Variants in SLC25A4 observed in about 807,000 individuals in gnomAD.
The protein encoded by SLC25A4 is solute carrier family 25 member 4, also known as ADP/ATP translocase 1.
In SLC25A4, 10 loss-of-function variants were observed where a neutral mutation model predicts 24.7. The observed-to-expected ratio is 0.41, with a 90% confidence interval of 0.25 to 0.69. The LOEUF is 0.69. Ranked by LOEUF, SLC25A4 falls within the 30% of genes least tolerant of loss-of-function variation. SLC25A4 has a pLI of 0.35. For synonymous variants in SLC25A4, 125 were observed against 153.3 expected (o/e 0.82, Z 1.36); for missense variants, 273 against 387.6 (o/e 0.70, Z 2.48).
chr4:185,143,509 G>C (rs1734382702), intron 1 of SLC25A4, 26 bp downstream of exon 1: 5 of 1,092,738 alleles, frequency 4.6e-6, no homozygotes, highest in African/African-American at 1.7e-5. Context: ...TGCAAGAGGC[G>C]GGCGCGGGCG....
Position 185,145,541 on chromosome 4 carries a change from T to C in SLC25A4, c.599-218T>C, listed in dbSNP as rs534113928. The C allele has an allele frequency of 1.5e-6, 1 of 667,284 alleles. No homozygotes were observed. Among genetic ancestry groups the C allele is most frequent in the East Asian group, 2.7e-5 (1 of 36,640 alleles). 41.3% of individuals were successfully genotyped at this position (667,284 alleles called of 1,614,324 possible). A position where few individuals can be genotyped will look rare whatever the true frequency, so the allele number is the denominator to read the frequency against. ...GAGTTTAACTTGAAGCCACTTCCAA[T>C]GCCCTGTATACAAGCTGAGCACTGC... On this transcript the variant is annotated intron_variant, in intron 2 of 3. Coordinates refer to ENST00000281456, the MANE Select transcript of SLC25A4 (RefSeq NM_001151.4). This position sits in a 1 kb window ranked among gnomAD's most constrained non-coding sequence, Gnocchi z 5.5.
chr4:185,145,972 G>A lies in SLC25A4; in HGVS notation c.739+73G>A, dbSNP rs2111286796. 6.4e-7 allele frequency: 1 copy of A among 1,553,206 alleles called. No individual in the cohort carries two copies. Among genetic ancestry groups the A allele is most frequent in the African/African-American group, 1.4e-5 (1 of 73,940 alleles). On this transcript the variant is annotated intron_variant, in intron 3 of 3. Transcript: ENST00000281456. The surrounding 1 kb of genome is among the most constrained non-coding windows in gnomAD (Gnocchi z 5.5). ...AGAACATTTTACAGGGCTCCTTTCA[G>A]TCTTCCTTACTGGAAATTAATTTTC... is the stretch of plus-strand genomic sequence containing the variant.
At position 185,146,023 on chromosome 4, in the gene SLC25A4, A is replaced by C. The variant is rs539579291; in HGVS notation, c.739+124A>C. 3,475 of 1,177,208 alleles carry C rather than the reference A, an allele frequency of 3.0e-3. 10 individuals are homozygous for C. The highest frequency in any genetic ancestry group is 3.7e-3 in the Non-Finnish European group (3,045 of 818,500). The allele number at this position is 1,177,208 out of a possible 1,614,324, so 72.9% of individuals were successfully genotyped here. ...AAAATTATTTGATAAGGACTTAGGG[A>C]AGAAAGATGGTATTAATTCCCCCTA... is the stretch of plus-strand genomic sequence containing the variant. On this transcript the variant is annotated intron_variant, in intron 3 of 3. Transcript: ENST00000281456.
At position 185,145,395 on chromosome 4, in the gene SLC25A4, G is replaced by T. The variant is rs1242259002; in HGVS notation, c.598+145G>T. 3 of 1,254,168 alleles carry T rather than the reference G, an allele frequency of 2.4e-6. No individual in the cohort carries two copies. The highest frequency in any genetic ancestry group is 3.4e-6 in the Non-Finnish European group (3 of 891,350). The allele number at this position is 1,254,168 out of a possible 1,614,324, so 77.7% of individuals were successfully genotyped here. On this transcript the variant is annotated intron_variant, in intron 2 of 3. Transcript: ENST00000281456. The surrounding 1 kb of genome is among the most constrained non-coding windows in gnomAD (Gnocchi z 5.5). ...AGGCTTCTGAATGAGGAGGTGATGT[G>T]CATAAGTTAATAGCTGAAGCGTTCC... is the stretch of plus-strand genomic sequence containing the variant.
In SLC25A4 at chr4:185,145,111, G is replaced by A. The variant is rs777474737; in HGVS notation, c.459G>A (p.Glu153=). Residue 153 remains glutamate (E), a synonymous_variant, in exon 2 of 4, where the codon GAG becomes GAA. Transcript: ENST00000281456. The surrounding 1 kb of genome is among the most constrained non-coding windows in gnomAD (Gnocchi z 5.5). ...TGGGCAAGGGCGCCGCCCAGCGTGA[G>A]TTCCATGGTCTGGGCGACTGTATCA... is the stretch of plus-strand genomic sequence containing the variant. ...ADVGKGAAQR[E]FHGLGDCIIK... The A allele has an allele frequency of 8.7e-6, 14 of 1,612,790 alleles. No homozygotes were observed. The South Asian group carries it at 1.4e-4, about 16-fold the overall frequency.
chr4:185,145,415 C>G lies in SLC25A4; in HGVS notation c.598+165C>G. On this transcript the variant is annotated intron_variant, in intron 2 of 3. Transcript: ENST00000281456. This position sits in a 1 kb window ranked among gnomAD's most constrained non-coding sequence, Gnocchi z 5.5. Reference sequence around the variant, plus strand: ...GATGTGCATAAGTTAATAGCTGAAGCGTTCCTTGTGTCCTCTACTGAAATA... The same window carrying G: ...GATGTGCATAAGTTAATAGCTGAAGGGTTCCTTGTGTCCTCTACTGAAATA... 2 of 1,047,788 alleles carry G rather than the reference C, an allele frequency of 1.9e-6. No homozygotes were observed. The highest frequency in any genetic ancestry group is 2.8e-6 in the Non-Finnish European group (2 of 721,490). 64.9% of individuals were successfully genotyped at this position (1,047,788 alleles called of 1,614,324 possible).
chr4:185,144,554 T>C (rs1299851648), intron 1 of SLC25A4, among the ~76,000 whole-genome samples: 3 of 152,154 alleles, frequency 2.0e-5, no homozygotes. Flanking sequence ...ACCCTAATAA[T>C]TGAAGCAACA....
chr4:185,145,271 A>G lies in SLC25A4; in HGVS notation c.598+21A>G. 1.9e-6 allele frequency: 3 copies of G among 1,613,674 alleles called. No homozygotes were observed. The South Asian group carries it at 3.3e-5, about 18-fold the overall frequency. On this transcript the variant is annotated intron_variant, in intron 2 of 3. Coordinates refer to ENST00000281456, the MANE Select transcript of SLC25A4 (RefSeq NM_001151.4). The surrounding 1 kb of genome is among the most constrained non-coding windows in gnomAD (Gnocchi z 5.5). ...CAAGGGTGAGAGAGGGGCATCGGGG[A>G]GAAGGAGGGTGGTGTGGAAAGAGGA...
chr4:185,145,387 G>C lies in SLC25A4; in HGVS notation c.598+137G>C. Reference sequence around the variant, plus strand: ...GATAATTGAGGCTTCTGAATGAGGAGGTGATGTGCATAAGTTAATAGCTGA... The same window carrying C: ...GATAATTGAGGCTTCTGAATGAGGACGTGATGTGCATAAGTTAATAGCTGA... On this transcript the variant is annotated intron_variant, in intron 2 of 3. Transcript: ENST00000281456. This position sits in a 1 kb window ranked among gnomAD's most constrained non-coding sequence, Gnocchi z 5.5. The C allele has an allele frequency of 1.5e-6, 2 of 1,323,650 alleles. No individual in the cohort carries two copies. Among genetic ancestry groups the C allele is most frequent in the South Asian group, 1.3e-5 (1 of 79,448 alleles). The allele number at this position is 1,323,650 out of a possible 1,614,324, so 82.0% of individuals were successfully genotyped here.
chr4:185,145,656 G>A lies in SLC25A4; in HGVS notation c.599-103G>A. 2.1e-6 allele frequency: 3 copies of A among 1,453,228 alleles called. No homozygotes were observed. The highest frequency in any genetic ancestry group is 2.5e-5 in the South Asian group (2 of 80,800). The allele number at this position is 1,453,228 out of a possible 1,614,324, so 90.0% of individuals were successfully genotyped here. ...TGCACAGGGGCAGGTTCCCCGCAAGGTCAGAGCATGGAGCTGGAGGTGCAG... is the reference window on the plus strand; with the variant it reads ...TGCACAGGGGCAGGTTCCCCGCAAGATCAGAGCATGGAGCTGGAGGTGCAG... On this transcript the variant is annotated intron_variant, in intron 2 of 3. Coordinates refer to ENST00000281456, the MANE Select transcript of SLC25A4 (RefSeq NM_001151.4). This position sits in a 1 kb window ranked among gnomAD's most constrained non-coding sequence, Gnocchi z 5.5.
Position 185,146,894 on chromosome 4 carries a change from G to T in SLC25A4, c.820G>T (p.Ala274Ser). 1 of 1,614,208 alleles carries T rather than the reference G, an allele frequency of 6.2e-7. No individual in the cohort carries two copies. The highest frequency in any genetic ancestry group is 8.5e-7 in the Non-Finnish European group (1 of 1,180,032). The change falls in exon 4 of 4, where the codon GCC becomes TCC. Residue 274 changes from alanine (A) to serine (S), a missense_variant. Transcript: ENST00000281456. The stretch of plus-strand genomic sequence containing the variant: ...AGGAGCCAAGGCCTTCTTCAAAGGT[G>T]CCTGGTCCAATGTGCTGAGAGGCAT... The part of the protein sequence containing the change: ...DEGAKAFFKG[A>S]WSNVLRGMGG...
intron 1 of SLC25A4, among the ~76,000 whole-genome samples, chr4:185,144,034 T>G (rs1198987573): frequency 6.6e-6 from 1 of 152,176 alleles, no homozygotes; most frequent in Non-Finnish European, 1.5e-5. Flanking sequence ...CGGAATAAAC[T>G]CAGATCATCC....
At position 185,144,781 on chromosome 4, in the gene SLC25A4, A is replaced by G; in HGVS notation, c.129A>G (p.Lys43=). The change falls in exon 2 of 4, where the codon AAA becomes AAG. Residue 43 remains lysine (K), a synonymous_variant. Coordinates refer to ENST00000281456, the MANE Select transcript of SLC25A4 (RefSeq NM_001151.4). ...KLLLQVQHAS[K]QISAEKQYKG... ...TCCACCAGGTCCAGCATGCCAGCAAACAGATCAGTGCTGAGAAGCAGTACA... is the reference window on the plus strand; with the variant it reads ...TCCACCAGGTCCAGCATGCCAGCAAGCAGATCAGTGCTGAGAAGCAGTACA... The G allele has an allele frequency of 6.2e-7, 1 of 1,613,872 alleles. No individual in the cohort carries two copies. Among genetic ancestry groups the G allele is most frequent in the Non-Finnish European group, 8.5e-7 (1 of 1,179,966 alleles).
At position 185,145,818 on chromosome 4, in the gene SLC25A4, G is replaced by A; in HGVS notation, c.658G>A (p.Val220Met). The A allele has an allele frequency of 6.2e-7, 1 of 1,614,198 alleles. No individual in the cohort carries two copies. The highest frequency in any genetic ancestry group is 1.3e-5 in the African/African-American group (1 of 75,060). ...IFVSWMIAQSVTAVAGLVSYP... is the reference protein window; with the variant it reads ...IFVSWMIAQSMTAVAGLVSYP... ...TGTGAGCTGGATGATTGCCCAGAGT[G>A]TGACGGCAGTCGCAGGGCTGGTGTC... Residue 220 changes from valine to methionine, a missense_variant, in exon 3 of 4, where the codon GTG becomes ATG. Transcript: ENST00000281456. The surrounding 1 kb of genome is among the most constrained non-coding windows in gnomAD (Gnocchi z 5.5).
Position 185,147,046 on chromosome 4 carries a change from T to G in SLC25A4, c.*75T>G. 1 of 1,382,058 alleles carries G rather than the reference T, an allele frequency of 7.2e-7. No homozygotes were observed. The highest frequency in any genetic ancestry group is 1.0e-6 in the Non-Finnish European group (1 of 982,500). The allele number at this position is 1,382,058 out of a possible 1,614,324, so 85.6% of individuals were successfully genotyped here. A position where few individuals can be genotyped will look rare whatever the true frequency, so the allele number is the denominator to read the frequency against. Reference sequence around the variant, plus strand: ...TTCACAGATCCATTGTGTGGTTTAATAGACTATTCCTAGGGGAAGTAAAAA... The same window carrying G: ...TTCACAGATCCATTGTGTGGTTTAAGAGACTATTCCTAGGGGAAGTAAAAA... On this transcript the variant is annotated 3_prime_UTR_variant, in exon 4 of 4. Coordinates refer to ENST00000281456, the MANE Select transcript of SLC25A4 (RefSeq NM_001151.4).
rs886059273 is a variant in SLC25A4 at position 185,149,007 on chromosome 4, TC to T, written c.*2037del. 3.9e-5 allele frequency: 6 copies of T among 152,272 alleles called. No individual in the cohort carries two copies. In the East Asian group the frequency reaches 1.2e-3, roughly 29 times the overall value. The allele number at this position is 152,272 out of a possible 1,614,324, so 9.4% of individuals were successfully genotyped here. A position where few individuals can be genotyped will look rare whatever the true frequency, so the allele number is the denominator to read the frequency against. Reference sequence around the variant, plus strand: ...GGTCTGAGTTTTATAAAATCCAGGATCACATCTGACCTCACCTGGTAGATAT... The same window carrying T: ...GGTCTGAGTTTTATAAAATCCAGGATACATCTGACCTCACCTGGTAGATAT... On this transcript the variant is annotated 3_prime_UTR_variant, in exon 4 of 4. Transcript: ENST00000281456.
Position 185,145,641 on chromosome 4 carries a change from C to G in SLC25A4, c.599-118C>G, listed in dbSNP as rs1192745973. On this transcript the variant is annotated intron_variant, in intron 2 of 3. Coordinates refer to ENST00000281456, the MANE Select transcript of SLC25A4 (RefSeq NM_001151.4). The surrounding 1 kb of genome is among the most constrained non-coding windows in gnomAD (Gnocchi z 5.5). ...CATATGTGAAGCACCTGCACAGGGG[C>G]AGGTTCCCCGCAAGGTCAGAGCATG... is the stretch of plus-strand genomic sequence containing the variant. The G allele has an allele frequency of 1.5e-6, 2 of 1,293,928 alleles. No individual in the cohort carries two copies. The highest frequency in any genetic ancestry group is 2.4e-5 in the East Asian group (1 of 42,256). 80.2% of individuals were successfully genotyped at this position (1,293,928 alleles called of 1,614,324 possible). A position where few individuals can be genotyped will look rare whatever the true frequency, so the allele number is the denominator to read the frequency against.
At chr4:185,146,074 A>G (rs564464432) in intron 3 of SLC25A4, among the ~76,000 whole-genome samples, 175 bp downstream of exon 3, 5 of 152,316 alleles carry the variant, frequency 3.3e-5, no homozygotes, top group Non-Finnish European at 4.4e-5. Flanking sequence ...CTATTAGGGA[A>G]AAGTATTTTC....
At position 185,147,050 on chromosome 4, in the gene SLC25A4, C is replaced by A; in HGVS notation, c.*79C>A. 7.4e-7 allele frequency: 1 copy of A among 1,348,388 alleles called. No homozygotes were observed. Among genetic ancestry groups the A allele is most frequent in the East Asian group, 2.4e-5 (1 of 41,774 alleles). The allele number at this position is 1,348,388 out of a possible 1,614,324, so 83.5% of individuals were successfully genotyped here. The stretch of plus-strand genomic sequence containing the variant: ...CAGATCCATTGTGTGGTTTAATAGA[C>A]TATTCCTAGGGGAAGTAAAAAGATC... On this transcript the variant is annotated 3_prime_UTR_variant, in exon 4 of 4. Transcript: ENST00000281456.
Sources: gnomAD v4.1 joint callset for allele counts (sites outside exome capture counted in the v4.1 genomes callset) on GRCh38, gnomAD v4.1.1 for gene constraint, Gnocchi (gnomAD v3.1) non-coding constraint, MANE v1.5 for transcripts, NCBI Gene and HGNC (gene_info 2026-07-23, HGNC 2026-07-21) for gene names.